PCCA: variants seen among roughly 807,000 people sequenced by gnomAD.
PCCA encodes propionyl-CoA carboxylase subunit alpha, also known as propionyl-CoA carboxylase alpha chain, mitochondrial.
PCCA carries 74 observed loss-of-function variants against 101.3 expected under a neutral mutation model. The ratio of observed to expected loss-of-function variants is 0.73; its 90% CI spans 0.61 to 0.89. The LOEUF (loss-of-function observed/expected upper bound fraction) is 0.89. Ranked by LOEUF, PCCA falls within the 40% of genes least tolerant of loss-of-function variation. The pLI is 0.00. For missense variants in PCCA, 891 were observed against 907.0 expected (o/e 0.98, Z 0.23); for synonymous variants, 294 against 313.6 (o/e 0.94, Z 0.66).
At chr13:100,496,294 G>A (rs1213025227) in intron 21 of PCCA, among the ~76,000 whole-genome samples, 1 of 152,206 alleles carries the variant, frequency 6.6e-6, no homozygotes, top group East Asian at 1.9e-4. Context: ...TCTGGCCCAG[G>A]ATCCGCTCAG....
intron 7 of PCCA, among the ~76,000 whole-genome samples, chr13:100,228,977 T>C (rs1484402931): frequency 6.6e-6 from 1 of 152,086 alleles, no homozygotes; most frequent in African/African-American, 2.4e-5. Flanking sequence ...AAATAAAGTT[T>C]GATATCTATA....
At chr13:100,214,705 C>A (rs569821111) in intron 7 of PCCA, among the ~76,000 whole-genome samples, 83 of 152,280 alleles carry the variant, frequency 5.5e-4, no homozygotes, top group African/African-American at 2.0e-3. Flanking sequence ...GGATTACAGG[C>A]ATGAGCCACT....
At chr13:100,491,756 A>C in intron 21 of PCCA, 2 of 1,249,278 alleles carry the variant, frequency 1.6e-6, no homozygotes, top group Non-Finnish European at 1.0e-6. Context: ...CGGTTTGTAC[A>C]AGCTCTTTTG....
At chr13:100,376,161 GGGTAT>G (rs1342248759) in intron 19 of PCCA, among the ~76,000 whole-genome samples, 2 of 152,204 alleles carry the variant, frequency 1.3e-5, no homozygotes, top group African/African-American at 2.4e-5. Flanking sequence ...CTGTTTGACT[GGGTAT>G]CACTAGCAGA....
intron 12 of PCCA, among the ~76,000 whole-genome samples, chr13:100,285,445 T>C (rs2064533311): frequency 6.6e-6 from 1 of 152,074 alleles, no homozygotes; most frequent in Admixed American, 6.5e-5. Flanking sequence ...CATACCTAAG[T>C]AAGGAAATTG....
chr13:100,381,307 T>A (rs778064363), intron 19 of PCCA, among the ~76,000 whole-genome samples: 3 of 150,636 alleles, frequency 2.0e-5, no homozygotes, highest in African/African-American at 4.9e-5. Flanking sequence ...GAGAATGGCA[T>A]GAACCCGGGA....
At chr13:100,197,484 A>G (rs962890710) in intron 6 of PCCA, among the ~76,000 whole-genome samples, 2 of 150,916 alleles carry the variant, frequency 1.3e-5, no homozygotes, top group Admixed American at 1.3e-4. Context: ...TCGCTTTGTC[A>G]CCCAGGCTGG....
At chr13:100,397,474 C>T (rs188213902) in intron 19 of PCCA, among the ~76,000 whole-genome samples, 57 of 151,740 alleles carry the variant, frequency 3.8e-4, no homozygotes, top group Non-Finnish European at 7.5e-4. Context: ...AAAAGTAATA[C>T]GATGTTTATA....
intron 18 of PCCA, among the ~76,000 whole-genome samples, chr13:100,348,760 CTTTCTTTCTTTCTTTCTTTCTTT>C (rs2072714664): frequency 5.1e-5 from 4 of 78,344 alleles, no homozygotes; most frequent in East Asian, 3.1e-4. Flanking sequence ...TTCTTTCTTT[CTTTCTTTCTTTCTTTCTTTCTTT>C]CTTTCTTCCT....
chr13:100,380,825 A>G (rs750089497), intron 19 of PCCA, among the ~76,000 whole-genome samples: 39 of 152,364 alleles, frequency 2.6e-4, no homozygotes, highest in Non-Finnish European at 3.7e-4. Flanking sequence ...GGGAAAAAAT[A>G]TTTGCAAATG....
chr13:100,413,454 TA>T (rs1476151161), intron 19 of PCCA, among the ~76,000 whole-genome samples: 8 of 152,086 alleles, frequency 5.3e-5, no homozygotes, highest in African/African-American at 1.9e-4. Flanking sequence ...AGAGAATAAA[TA>T]ATGGAGGAGA....
rs749215720 is a variant in PCCA at position 100,376,871 on chromosome 13, C to CT, written c.1746+8298dup. 5.3e-5 allele frequency among the ~76,000 whole-genome samples: 8 copies of CT among 152,330 alleles called. No individual in the cohort carries two copies. The South Asian group carries it at 1.4e-3, about 28-fold the overall frequency. ...GGGGTATGAAAAAAAACTCCTGCAGCTAGCTTGGTGTCTGCCCAAACAGCC... is the reference window on the plus strand; with the variant it reads ...GGGGTATGAAAAAAAACTCCTGCAGCTTAGCTTGGTGTCTGCCCAAACAGCC... On this transcript the variant is annotated intron_variant, in intron 19 of 23. Coordinates refer to ENST00000376285, the MANE Select transcript of PCCA (RefSeq NM_000282.4).
At chr13:100,228,473 T>C (rs1040275905) in intron 7 of PCCA, among the ~76,000 whole-genome samples, 4 of 152,242 alleles carry the variant, frequency 2.6e-5, no homozygotes, top group Non-Finnish European at 5.9e-5. Flanking sequence ...TAATCATAGA[T>C]GTGAGAGCTG....
chr13:100,302,842 G>A (rs751713195), intron 13 of PCCA, 82 bp from the exon 14 acceptor site: 22 of 825,588 alleles, frequency 2.7e-5, no homozygotes, highest in Non-Finnish European at 4.1e-5. Context: ...CCTATAAATG[G>A]TTCTTCATTG....
rs72658591 is a variant in PCCA, at chr13:100,459,123, A to G, written c.1899+9818A>G. Among the ~76,000 whole-genome samples, 1,492 of 152,226 alleles carry G rather than the reference A, an allele frequency of 9.8e-3. 14 individuals are homozygous for G. The highest frequency in any genetic ancestry group is 0.014 in the Non-Finnish European group (971 of 68,010). On this transcript the variant is annotated intron_variant, in intron 21 of 23. Coordinates refer to ENST00000376285, the MANE Select transcript of PCCA (RefSeq NM_000282.4). ...TTCCAGGGTCTTCTGCTGCTGTCAC[A>G]TGGCCTTCTTCCCTATGACTGTGTG...
intron 21 of PCCA, among the ~76,000 whole-genome samples, chr13:100,513,217 A>G (rs1334369852): frequency 2.0e-5 from 3 of 152,196 alleles, no homozygotes; most frequent in African/African-American, 7.2e-5. Flanking sequence ...TTAAAAAGAG[A>G]ATCTCTCTCT....
chr13:100,469,678 G>T (rs2082837448), intron 21 of PCCA, among the ~76,000 whole-genome samples: 1 of 151,996 alleles, frequency 6.6e-6, no homozygotes, highest in South Asian at 2.1e-4. Context: ...CACTCGGGAG[G>T]TTGAGGCAGG....
intron 4 of PCCA, among the ~76,000 whole-genome samples, chr13:100,114,886 C>G (rs528447481): frequency 9.6e-4 from 146 of 152,272 alleles, no homozygotes; most frequent in African/African-American, 3.3e-3. Context: ...AAAACTAAAA[C>G]TATCATATGA....
intron 22 of PCCA, among the ~76,000 whole-genome samples, chr13:100,525,044 G>A (rs1165056590): frequency 1.3e-5 from 2 of 152,096 alleles, no homozygotes; most frequent in Non-Finnish European, 2.9e-5. Context: ...CAGACAGGCA[G>A]ATAAGATAGA....
Sources: gnomAD v4.1 joint callset for allele counts (sites outside exome capture counted in the v4.1 genomes callset) on GRCh38, gnomAD v4.1.1 for gene constraint, MANE v1.5 for transcripts, NCBI Gene and HGNC (gene_info 2026-07-23, HGNC 2026-07-21) for gene names.